Variants in C1QTNF3 observed in about 807,000 individuals in gnomAD.
The protein encoded by C1QTNF3 is complement C1q tumor necrosis factor-related protein 3.
C1QTNF3 carries 26 observed loss-of-function variants against 32.6 expected under a neutral mutation model. That is an observed-to-expected ratio of 0.80 (90% CI 0.58 to 1.11). The LOEUF is 1.11. Ranked by LOEUF, C1QTNF3 falls within the 50% of genes least tolerant of loss-of-function variation. The pLI is 0.00. For synonymous variants in C1QTNF3, 155 were observed against 146.0 expected, an observed-to-expected ratio of 1.06 and a Z score of -0.44; for missense variants, 362 against 398.2, an observed-to-expected ratio of 0.91 and a Z score of 0.77.
chr5:34,098,451 C>G, the C1QTNF3 span, among the ~76,000 whole-genome samples: 1 of 152,156 alleles, frequency 6.6e-6, no homozygotes, highest in African/African-American at 2.4e-5. Context: ...GAATGATAGA[C>G]AGAACTAAAG....
In C1QTNF3 at chr5:34,043,180, G is replaced by C; in HGVS notation, c.-55C>G. 1.3e-6 allele frequency: 2 copies of C among 1,553,350 alleles called. No homozygotes were observed. The highest frequency in any genetic ancestry group is 2.2e-5 in the East Asian group (1 of 44,532). On this transcript the variant is annotated 5_prime_UTR_variant, in exon 1 of 6. Coordinates refer to ENST00000382065, the MANE Select transcript of C1QTNF3 (RefSeq NM_181435.6). The stretch of plus-strand genomic sequence containing the variant: ...GAGAAGACAGCAGAGCTCCAGGAGC[G>C]TGGTCTCCTCGGGCAGATGCCAGGA...
At chr5:34,140,780 T>C in the C1QTNF3 span, among the ~76,000 whole-genome samples, 1 of 152,256 alleles carries the variant, frequency 6.6e-6, no homozygotes, top group Non-Finnish European at 1.5e-5. Context: ...ACACACATGC[T>C]TTCAACTTCA....
chr5:34,042,365 TAA>T (rs1255491338), intron 1 of C1QTNF3, among the ~76,000 whole-genome samples: 1 of 152,044 alleles, frequency 6.6e-6, no homozygotes, highest in Non-Finnish European at 1.5e-5. Flanking sequence ...CAAATCAAAG[TAA>T]AAAAACTTTG....
At chr5:34,038,583 C>T (rs187465541) in intron 1 of C1QTNF3, among the ~76,000 whole-genome samples, 98 of 152,210 alleles carry the variant, frequency 6.4e-4, no homozygotes, top group Non-Finnish European at 5.9e-4. Context: ...ACTAAGAAAG[C>T]ATCTTTCCAA....
chr5:34,093,999 C>T, the C1QTNF3 span, among the ~76,000 whole-genome samples: 6 of 152,182 alleles, frequency 3.9e-5, no homozygotes, highest in African/African-American at 1.2e-4. Flanking sequence ...ACAGCCCAGA[C>T]CTAGCTGAGC....
intron 3 of C1QTNF3, among the ~76,000 whole-genome samples, chr5:34,032,337 G>A (rs1754633361): frequency 6.6e-6 from 1 of 152,180 alleles, no homozygotes; most frequent in Non-Finnish European, 1.5e-5. Flanking sequence ...AGGTAAATGG[G>A]TACTTGAGCC....
At chr5:34,023,120 G>A (rs7726420) in intron 5 of C1QTNF3, among the ~76,000 whole-genome samples, 37,474 of 152,036 alleles carry the variant, frequency 0.25, 5,052 homozygotes, top group South Asian at 0.46. Context: ...CTCCCAAAGT[G>A]CTGGGATTAC....
chr5:34,141,181 G>A, the C1QTNF3 span, among the ~76,000 whole-genome samples: 234 of 151,916 alleles, frequency 1.5e-3, 1 homozygote, highest in African/African-American at 5.5e-3. Flanking sequence ...GTGCAGTGGC[G>A]CAATCTTGGC....
the C1QTNF3 span, among the ~76,000 whole-genome samples, chr5:34,159,844 AC>A: frequency 6.6e-6 from 1 of 151,694 alleles, no homozygotes; most frequent in East Asian, 1.9e-4. Flanking sequence ...AAAAAAAAAA[AC>A]CGGAAGTATA....
chr5:34,184,737 A>T, the C1QTNF3 span, among the ~76,000 whole-genome samples: 1 of 152,300 alleles, frequency 6.6e-6, no homozygotes, highest in African/African-American at 2.4e-5. Flanking sequence ...AAAAAAAAAA[A>T]TTTGAATTTT....
chr5:34,123,622 CTTT>C, the C1QTNF3 span, among the ~76,000 whole-genome samples: 1 of 136,332 alleles, frequency 7.3e-6, no homozygotes. Context: ...AACAGATATG[CTTT>C]TTTTTTTTCT....
intron 5 of C1QTNF3, 129 bp from the exon 6 acceptor site, chr5:34,020,871 T>C (rs897525599): frequency 1.1e-6 from 1 of 896,352 alleles, no homozygotes; most frequent in East Asian, 2.5e-5. Flanking sequence ...AAACAGCCTG[T>C]GAGCAGAAAT....
the C1QTNF3 span, among the ~76,000 whole-genome samples, chr5:34,230,474 A>G: frequency 6.6e-6 from 1 of 152,176 alleles, no homozygotes; most frequent in African/African-American, 2.4e-5. Flanking sequence ...CATGATTTCT[A>G]TCCCTTCAAA....
the C1QTNF3 span, among the ~76,000 whole-genome samples, chr5:34,065,240 C>A: frequency 4.3e-4 from 65 of 152,236 alleles, no homozygotes; most frequent in African/African-American, 1.5e-3. Context: ...AGGACATGAA[C>A]AGACACTTCT....
At chr5:34,045,906 C>G (rs1348390665), upstream of C1QTNF3, among the ~76,000 whole-genome samples, 12 of 152,062 alleles carry the variant, frequency 7.9e-5, no homozygotes, top group Admixed American at 7.2e-4. Flanking sequence ...AAGTCCTAAT[C>G]CCTAGTACCT....
chr5:34,209,289 A>G, the C1QTNF3 span, among the ~76,000 whole-genome samples: 1 of 151,840 alleles, frequency 6.6e-6, no homozygotes, highest in East Asian at 1.9e-4. Context: ...TAATTTGGAT[A>G]TTTAAAGCAA....
chr5:34,090,119 T>C, the C1QTNF3 span, among the ~76,000 whole-genome samples: 14 of 152,090 alleles, frequency 9.2e-5, no homozygotes, highest in African/African-American at 3.1e-4. Flanking sequence ...TGACTGTACT[T>C]GTAAAAATTG....
the C1QTNF3 span, among the ~76,000 whole-genome samples, chr5:34,088,136 A>G: frequency 6.6e-6 from 1 of 152,272 alleles, no homozygotes; most frequent in African/African-American, 2.4e-5. Flanking sequence ...ATAAATCTCT[A>G]GATTTGCTTC....
chr5:34,028,692 T>G (rs898851636), intron 4 of C1QTNF3, 62 bp downstream of exon 4: 78 of 1,429,904 alleles, frequency 5.5e-5, no homozygotes, highest in Non-Finnish European at 4.6e-5. Context: ...TTTCCTTCCT[T>G]CCTTAATTGT....
Sources: gnomAD v4.1 joint callset for allele counts (sites outside exome capture counted in the v4.1 genomes callset) on GRCh38, gnomAD v4.1.1 for gene constraint, MANE v1.5 for transcripts, NCBI Gene and HGNC (gene_info 2026-07-23, HGNC 2026-07-21) for gene names.